The following RERE variants were observed in gnomAD, a reference collection of about 807,000 sequenced individuals.
The protein encoded by RERE is arginine-glutamic acid dipeptide repeats protein.
A neutral mutation model predicts 146.1 loss-of-function variants in RERE; 40 were observed. That is an observed-to-expected ratio of 0.27 (90% CI 0.21 to 0.36). The LOEUF is 0.36. Among genes scored for constraint, RERE ranks in the 10% least tolerant of loss-of-function variants. The probability of loss-of-function intolerance (pLI) is 1.00; values close to 1 mark genes in which losing one functional copy is unlikely to be tolerated. For missense variants in RERE, 1,933 were observed against 2,138.7 expected (o/e 0.90, Z 1.90); for synonymous variants, 1,003 against 866.0 (o/e 1.16, Z -2.78).
Position 8,545,207 on chromosome 1 carries a change from T to C in RERE, c.726-3889A>G, listed in dbSNP as rs144350653. Among the ~76,000 whole-genome samples, 129 of 152,314 alleles carry C rather than the reference T, an allele frequency of 8.5e-4. 1 individual carries two copies. The highest frequency in any genetic ancestry group is 3.0e-3 in the African/African-American group (125 of 41,560). ...CTTGTATACTCTGTATCTAAAGCAA[T>C]GCTTCACTGTTAACAGAAATATGAC... On this transcript the variant is annotated intron_variant, in intron 6 of 22. Coordinates refer to ENST00000400908, the MANE Select transcript of RERE (RefSeq NM_001042681.2).
chr1:8,750,535 G>A, intron 1 of RERE: 2 of 1,037,904 alleles, frequency 1.9e-6, no homozygotes, highest in Non-Finnish European at 3.0e-6. Context: ...TGAGAAAGAA[G>A]TCTGCCCAAA....
At chr1:8,740,343 G>A (rs914763700) in intron 1 of RERE, among the ~76,000 whole-genome samples, 24 of 152,192 alleles carry the variant, frequency 1.6e-4, no homozygotes, top group Non-Finnish European at 4.4e-5. Flanking sequence ...CCCATGAATG[G>A]AGCTCACTGG....
intron 12 of RERE, among the ~76,000 whole-genome samples, chr1:8,368,490 A>T (rs1477626373): frequency 1.3e-5 from 2 of 151,664 alleles, no homozygotes; most frequent in African/African-American, 4.8e-5. Context: ...AAAGAAAAAA[A>T]AAAAAAAAAG....
Position 8,361,057 on chromosome 1 carries a change from G to A in RERE, c.2450C>T (p.Pro817Leu), listed in dbSNP as rs749055305. The A allele has an allele frequency of 1.8e-5, 26 of 1,437,020 alleles. No homozygotes were observed. The highest frequency in any genetic ancestry group is 3.0e-5 in the South Asian group (2 of 67,558). 89.0% of individuals were successfully genotyped at this position (1,437,020 alleles called of 1,614,324 possible). A position where few individuals can be genotyped will look rare whatever the true frequency, so the allele number is the denominator to read the frequency against. The change falls in exon 18 of 23, where the codon CCG becomes CTG. Residue 817 changes from proline to leucine, a missense_variant. Physicochemically the swap from Pro to Leu is moderately conservative, Grantham distance 98 (BLOSUM62 -3). This residue lies in a region of RERE where 1,255 missense variants were observed against 1,153.8 expected (regional missense o/e 1.09). Coordinates refer to ENST00000400908, the MANE Select transcript of RERE (RefSeq NM_001042681.2). ...HPQRPPSPHP[P>L]PHPSPHPPLQ... ...CGGGGGATGTGGCGAGGGATGCGGC[G>A]GGGGATGCGGTGAGGGCGGCCGCTG... is the stretch of plus-strand genomic sequence containing the variant.
chr1:8,605,771 A>AAAAAC (rs1491331726), intron 4 of RERE, among the ~76,000 whole-genome samples: 6 of 138,300 alleles, frequency 4.3e-5, no homozygotes, highest in Non-Finnish European at 6.2e-5. Context: ...AAAAAAAAAA[A>AAAAAC]CCCCTAAAAA....
At chr1:8,359,730 GC>G in intron 19 of RERE, 33 bp downstream of exon 19, 2 of 1,592,230 alleles carry the variant, frequency 1.3e-6, no homozygotes, top group South Asian at 1.1e-5. Context: ...ATGGACCAGC[GC>G]CCCCCGTCAC....
chr1:8,563,032 G>A (rs1646097655), intron 4 of RERE, among the ~76,000 whole-genome samples: 1 of 152,088 alleles, frequency 6.6e-6, no homozygotes, highest in African/African-American at 2.4e-5. Flanking sequence ...GTAGACTAGG[G>A]GAAAAGGAAG....
chr1:8,735,524 A>G (rs1179299160), intron 1 of RERE, among the ~76,000 whole-genome samples: 2 of 152,146 alleles, frequency 1.3e-5, no homozygotes, highest in African/African-American at 4.8e-5. Context: ...GTCAGTCCAT[A>G]CAAAGTGCCT....
chr1:8,544,889 G>A (rs972337053), intron 6 of RERE, among the ~76,000 whole-genome samples: 7 of 152,178 alleles, frequency 4.6e-5, no homozygotes, highest in Non-Finnish European at 7.3e-5. Flanking sequence ...TCCATAACCA[G>A]GTAAGGCCAC....
intron 6 of RERE, among the ~76,000 whole-genome samples, chr1:8,553,373 T>C (rs1645963483): frequency 6.8e-6 from 1 of 147,626 alleles, no homozygotes; most frequent in African/African-American, 2.5e-5. Flanking sequence ...CACGTAAAAT[T>C]GCACCATTAG....
chr1:8,395,241 C>T (rs1348302539), intron 12 of RERE, among the ~76,000 whole-genome samples: 6 of 152,026 alleles, frequency 3.9e-5, no homozygotes, highest in African/African-American at 1.4e-4. Flanking sequence ...TTTGGGAAGC[C>T]GAGGCGGGTG....
chr1:8,399,217 G>A (rs1643164145), intron 12 of RERE, among the ~76,000 whole-genome samples: 1 of 151,142 alleles, frequency 6.6e-6, no homozygotes, highest in Non-Finnish European at 1.5e-5. Context: ...GACTTTTTAA[G>A]TCTTAATATA....
intron 1 of RERE, among the ~76,000 whole-genome samples, chr1:8,757,281 T>A (rs1266768700): frequency 2.0e-5 from 3 of 152,200 alleles, no homozygotes; most frequent in African/African-American, 4.8e-5. Context: ...CACTGTCCTG[T>A]ATGAACTTTC....
chr1:8,792,862 AAAG>A (rs376356379), intron 1 of RERE, among the ~76,000 whole-genome samples: 30 of 152,220 alleles, frequency 2.0e-4, no homozygotes, highest in African/African-American at 7.2e-4. Flanking sequence ...AGCGGAACAT[AAAG>A]AAGCAGGAAG....
chr1:8,502,633 T>C (rs1171710324), intron 8 of RERE, among the ~76,000 whole-genome samples: 1 of 149,366 alleles, frequency 6.7e-6, no homozygotes, highest in Non-Finnish European at 1.5e-5. Flanking sequence ...ATGGCGGTTT[T>C]GTGGAATAGA....
intron 1 of RERE, among the ~76,000 whole-genome samples, chr1:8,743,140 A>T (rs1412323861): frequency 1.3e-5 from 2 of 151,962 alleles, no homozygotes; most frequent in Admixed American, 6.6e-5. Flanking sequence ...TCACACCTAT[A>T]ATCCCAGCAC....
chr1:8,717,548 C>T (rs115664202), intron 1 of RERE, among the ~76,000 whole-genome samples: 64 of 152,284 alleles, frequency 4.2e-4, no homozygotes, highest in Non-Finnish European at 6.3e-4. Flanking sequence ...GATGTAGAAA[C>T]ATACCTTAAA....
chr1:8,777,681 C>T (rs1480914743), intron 1 of RERE, among the ~76,000 whole-genome samples: 1 of 151,214 alleles, frequency 6.6e-6, no homozygotes, highest in African/African-American at 2.4e-5. Context: ...ACTACAGGTG[C>T]CCGCCACCAC....
At chr1:8,494,714 T>C (rs1645024138) in intron 10 of RERE, among the ~76,000 whole-genome samples, 1 of 151,918 alleles carries the variant, frequency 6.6e-6, no homozygotes, top group South Asian at 2.1e-4. Flanking sequence ...CTCAAAAAAA[T>C]AAAAAATAAA....
Sources: allele counts gnomAD v4.1 joint callset (sites outside exome capture counted in the v4.1 genomes callset), GRCh38; gene constraint gnomAD v4.1.1; regional missense constraint gnomAD v4.1.1; transcripts MANE v1.5; gene names NCBI Gene and HGNC (gene_info 2026-07-23, HGNC 2026-07-21).